Variants in MON2 observed in about 807,000 individuals in gnomAD.
MON2 encodes protein MON2 homolog.
In MON2, 84 loss-of-function variants were observed where a neutral mutation model predicts 208.6. The observed-to-expected ratio is 0.40, with a 90% confidence interval of 0.34 to 0.48. The LOEUF (loss-of-function observed/expected upper bound fraction) is 0.48. MON2 is among the 20% of genes least tolerant of loss of function. The pLI, the probability that MON2 is intolerant of heterozygous loss-of-function variation, is 0.59. For synonymous variants in MON2, 660 were observed against 694.0 expected (o/e 0.95, Z 0.77); for missense variants, 1,611 against 2,015.4 (o/e 0.80, Z 3.84).
At chr12:62,579,870 CTA>C in intron 31 of MON2, among the ~76,000 whole-genome samples, 1 of 152,262 alleles carries the variant, frequency 6.6e-6, no homozygotes, top group African/African-American at 2.4e-5. Context: ...TAGAGATAAA[CTA>C]TTTGACAAAA....
In MON2 at chr12:62,578,417, T is replaced by A. The variant is rs768325048; in HGVS notation, c.4515-28T>A. ...TGTATTTGCAGGGAATATTTTATCT[T>A]TAAAAATCAAGTGTTTTTTTTTTTT... is the stretch of plus-strand genomic sequence containing the variant. On this transcript the variant is annotated intron_variant, in intron 30 of 34. Coordinates refer to ENST00000393630, the MANE Select transcript of MON2 (RefSeq NM_015026.3). 6.8e-6 allele frequency: 9 copies of A among 1,322,684 alleles called. No individual in the cohort carries two copies. In the Admixed American group the frequency reaches 1.9e-4, roughly 28 times the overall value. The allele number at this position is 1,322,684 out of a possible 1,614,324, so 81.9% of individuals were successfully genotyped here.
In MON2 at chr12:62,471,256, C is replaced by T. The variant is rs994902845; in HGVS notation, c.111+3938C>T. Among the ~76,000 whole-genome samples the T allele has an allele frequency of 2.2e-4, 33 of 152,310 alleles. No individual in the cohort carries two copies. In the East Asian group the frequency reaches 4.2e-3, roughly 20 times the overall value. ...GGAGTACAGTGGCACAATCTCGGCT[C>T]ACTGCAACCTCCGCCTCCCAGGTTC... On this transcript the variant is annotated intron_variant, in intron 1 of 34. Transcript: ENST00000393630.
chr12:62,587,001 G>A lies in MON2; in HGVS notation c.4908-1073G>A, dbSNP rs73124323. ...TAAAATACTTCAATGCTTACAATAG[G>A]AAGTCTTGAAATAGTATCCTGACAT... On this transcript the variant is annotated intron_variant, in intron 33 of 34. Coordinates refer to ENST00000393630, the MANE Select transcript of MON2 (RefSeq NM_015026.3). Among the ~76,000 whole-genome samples the A allele has an allele frequency of 4.7e-3, 719 of 152,274 alleles. 6 individuals carry two copies. Among genetic ancestry groups the A allele is most frequent in the Middle Eastern group, 0.02 (6 of 294 alleles).
At chr12:62,524,752 T>A in intron 9 of MON2, 113 bp downstream of exon 9, 1 of 1,049,802 alleles carries the variant, frequency 9.5e-7, no homozygotes. Flanking sequence ...TTATTCCCAA[T>A]ATTAGTGATT....
At chr12:62,585,225 T>C (rs1375807314) in intron 32 of MON2, 69 bp from the exon 33 acceptor site, 2 of 1,241,604 alleles carry the variant, frequency 1.6e-6, no homozygotes, top group Non-Finnish European at 2.3e-6. Flanking sequence ...CCTAGTTTGC[T>C]AAGCATTGTT....
At chr12:62,587,750 A>C (rs931852707) in intron 33 of MON2, 10 of 210,102 alleles carry the variant, frequency 4.8e-5, no homozygotes, top group African/African-American at 2.4e-4. Context: ...AAAAATCAAT[A>C]AATAAAAATA....
At position 62,546,954 on chromosome 12, in the gene MON2, G is replaced by A. The variant is rs779487751; in HGVS notation, c.2635G>A (p.Asp879Asn). ...GGAGATGTCCAATATTAATCATCCA[G>A]ATATTCGACTCAAGCAGTTAGAATG... is the stretch of plus-strand genomic sequence containing the variant. ...LKEMSNINHPDIRLKQLECVL... is the reference protein window; with the variant it reads ...LKEMSNINHPNIRLKQLECVL... The change falls in exon 22 of 35, where the codon GAT (aspartate) becomes AAT (asparagine). Residue 879 changes from aspartate (D) to asparagine (N), a missense_variant. Coordinates refer to ENST00000393630, the MANE Select transcript of MON2 (RefSeq NM_015026.3). The A allele has an allele frequency of 3.1e-6, 5 of 1,613,198 alleles. No individual in the cohort carries two copies. In the East Asian group the frequency reaches 1.1e-4, roughly 36 times the overall value.
chr12:62,510,608 A>G (rs1037127816), intron 8 of MON2, among the ~76,000 whole-genome samples: 1 of 152,190 alleles, frequency 6.6e-6, no homozygotes, highest in Non-Finnish European at 1.5e-5. Flanking sequence ...AAAACACTCA[A>G]CAAACTAGGA....
chr12:62,494,718 A>G (rs145243458), intron 3 of MON2, among the ~76,000 whole-genome samples: 1,593 of 152,346 alleles, frequency 0.01, 7 homozygotes, highest in Middle Eastern at 0.027. Flanking sequence ...ATGTCCAAAT[A>G]CAATCTATCA....
At chr12:62,482,857 C>T (rs1049368422) in intron 1 of MON2, 1 of 151,936 alleles carries the variant, frequency 6.6e-6, no homozygotes, top group African/African-American at 2.4e-5. Flanking sequence ...TATAGCAAGG[C>T]CCTGTCTCTA....
Position 62,553,179 on chromosome 12 carries a change from T to C in MON2, c.3210+5T>C. The C allele has an allele frequency of 6.2e-7, 1 of 1,610,744 alleles. No homozygotes were observed. Among genetic ancestry groups the C allele is most frequent in the Non-Finnish European group, 8.5e-7 (1 of 1,177,162 alleles). On this transcript the variant is annotated splice_donor_5th_base_variant and intron_variant, in intron 24 of 34. Transcript: ENST00000393630. ...TGGCACACTGTTATCTGGAAGGTAT[T>C]GTAAAATAGATTGGACTATCAGCTT...
Position 62,508,564 on chromosome 12 carries a change from G to T in MON2, c.984+84G>T, listed in dbSNP as rs757025321. On this transcript the variant is annotated intron_variant, in intron 8 of 34. Transcript: ENST00000393630. ...AAAGTGGTCTGTTGTAGCGCATTTA[G>T]TTTTTTCAATTCAGTTCAACAGAAT... 20 of 1,273,606 alleles carry T rather than the reference G, an allele frequency of 1.6e-5. No individual in the cohort carries two copies. The African/African-American group carries it at 2.7e-4, about 17-fold the overall frequency. 78.9% of individuals were successfully genotyped at this position (1,273,606 alleles called of 1,614,324 possible).
Position 62,547,032 on chromosome 12 carries a change from T to C in MON2, c.2713T>C (p.Leu905=), listed in dbSNP as rs1158567874. ...AGACAGTCTTGGGCCTGGATGGCCATTAGTGCTTGGAGTCATGGGAGCAAT... is the reference window on the plus strand; with the variant it reads ...AGACAGTCTTGGGCCTGGATGGCCACTAGTGCTTGGAGTCATGGGAGCAAT... ...QGDSLGPGWP[L]VLGVMGAIRN... is the part of the protein sequence containing the mutation. The change falls in exon 22 of 35, where the codon TTA becomes CTA. Residue 905 remains leucine, a synonymous_variant. Coordinates refer to ENST00000393630, the MANE Select transcript of MON2 (RefSeq NM_015026.3). 1 of 1,607,300 alleles carries C rather than the reference T, an allele frequency of 6.2e-7. No individual in the cohort carries two copies. Among genetic ancestry groups the C allele is most frequent in the Non-Finnish European group, 8.5e-7 (1 of 1,175,862 alleles).
chr12:62,476,735 C>T (rs1427392234), intron 1 of MON2, among the ~76,000 whole-genome samples: 1 of 152,164 alleles, frequency 6.6e-6, no homozygotes, highest in Admixed American at 6.5e-5. Context: ...CCATGCCCAG[C>T]CTCACATTTC....
chr12:62,515,454 G>A (rs2071635624), intron 8 of MON2, among the ~76,000 whole-genome samples: 1 of 152,216 alleles, frequency 6.6e-6, no homozygotes, highest in Non-Finnish European at 1.5e-5. Context: ...TCGTTGCCAA[G>A]GACCAGGAGG....
At chr12:62,564,414 A>G (rs1213932070) in intron 26 of MON2, among the ~76,000 whole-genome samples, 2 of 152,072 alleles carry the variant, frequency 1.3e-5, no homozygotes, top group Non-Finnish European at 2.9e-5. Flanking sequence ...TAGACACTTC[A>G]TAAATAATAT....
Position 62,596,821 on chromosome 12 carries a change from A to G in MON2, c.*4072A>G, listed in dbSNP as rs1250993792. 6.6e-6 allele frequency: 1 copy of G among 152,190 alleles called. No individual in the cohort carries two copies. Among genetic ancestry groups the G allele is most frequent in the African/African-American group, 2.4e-5 (1 of 41,462 alleles). 9.4% of individuals were successfully genotyped at this position (152,190 alleles called of 1,614,324 possible). On this transcript the variant is annotated 3_prime_UTR_variant, in exon 35 of 35. Transcript: ENST00000393630. ...TCAGAAAGAGAGATGATATCTTTGT[A>G]TCTTGATTTATATACAGACCATTTC...
chr12:62,530,058 G>A (rs1247167942), intron 11 of MON2, among the ~76,000 whole-genome samples: 6 of 151,880 alleles, frequency 4.0e-5, no homozygotes, highest in African/African-American at 9.7e-5. Context: ...GTAGTTACCC[G>A]ACTGAACTGT....
Position 62,566,011 on chromosome 12 carries a change from TA to T in MON2, c.4177-2del. 6.2e-7 allele frequency: 1 copy of T among 1,610,484 alleles called. No homozygotes were observed. The highest frequency in any genetic ancestry group is 8.5e-7 in the Non-Finnish European group (1 of 1,178,142). ...GTCTTGCAACACAATGGAATCACAA[TA>T]GATCCAACTATTTGCACCGGTGAGT... is the stretch of plus-strand genomic sequence containing the variant. On this transcript the variant is annotated splice_acceptor_variant, in intron 27 of 34. Coordinates refer to ENST00000393630, the MANE Select transcript of MON2 (RefSeq NM_015026.3). LOFTEE classifies it high-confidence loss of function.
Sources: gnomAD v4.1 joint callset for allele counts (sites outside exome capture counted in the v4.1 genomes callset) on GRCh38, gnomAD v4.1.1 for gene constraint, MANE v1.5 for transcripts, NCBI Gene and HGNC (gene_info 2026-07-23, HGNC 2026-07-21) for gene names.